TXNDC12: variants seen among roughly 807,000 people sequenced by gnomAD.
TXNDC12 encodes the protein thioredoxin domain containing 12.
Under a neutral mutation model 24.2 loss-of-function variants are expected in TXNDC12, and 22 were observed. The ratio of observed to expected loss-of-function variants is 0.91; its 90% CI spans 0.65 to 1.30. TXNDC12 has a LOEUF of 1.30. Ranked by LOEUF, TXNDC12 falls within the 50% of genes most tolerant of loss-of-function variation. The pLI is 0.00. For synonymous variants in TXNDC12, 58 were observed against 73.4 expected (o/e 0.79, Z 1.07); for missense variants, 184 against 205.8 (o/e 0.89, Z 0.65).
chr1:52,045,639 G>T (rs916689113), intron 1 of TXNDC12, among the ~76,000 whole-genome samples: 1 of 152,046 alleles, frequency 6.6e-6, no homozygotes, highest in Non-Finnish European at 1.5e-5. Context: ...CCTAGCAAAC[G>T]AATACATATG....
chr1:52,040,640 T>C (rs1685967265), intron 2 of TXNDC12, among the ~76,000 whole-genome samples: 1 of 152,260 alleles, frequency 6.6e-6, no homozygotes, highest in South Asian at 2.1e-4. Flanking sequence ...GCTGTTCATC[T>C]GCAAGTTTTT....
At chr1:52,022,304 G>A (rs922565082) in intron 6 of TXNDC12, among the ~76,000 whole-genome samples, 1 of 152,102 alleles carries the variant, frequency 6.6e-6, no homozygotes, top group African/African-American at 2.4e-5. Context: ...ACAATACATG[G>A]CATGAATTCC....
chr1:52,028,450 T>C (rs2124362982), intron 3 of TXNDC12, 128 bp downstream of exon 3: 1 of 702,446 alleles, frequency 1.4e-6, no homozygotes, highest in East Asian at 2.8e-5. Context: ...GAAATCTATG[T>C]CATATGTTTC....
chr1:52,049,436 A>G (rs1206563987), intron 1 of TXNDC12, among the ~76,000 whole-genome samples: 1 of 152,126 alleles, frequency 6.6e-6, no homozygotes, highest in Non-Finnish European at 1.5e-5. Flanking sequence ...CTCTACAAAA[A>G]TTAGCCAGGC....
chr1:52,024,702 C>T (rs904703912), intron 4 of TXNDC12, 123 bp from the exon 5 acceptor site: 3 of 687,626 alleles, frequency 4.4e-6, no homozygotes, highest in South Asian at 3.4e-5. Flanking sequence ...TAAGGCCCTA[C>T]ATGATCTATC....
At chr1:52,042,042 G>C (rs867385289) in intron 1 of TXNDC12, among the ~76,000 whole-genome samples, 1 of 152,180 alleles carries the variant, frequency 6.6e-6, no homozygotes, top group Non-Finnish European at 1.5e-5. Flanking sequence ...TCTTGTGAGT[G>C]AAGTAAGCTC....
chr1:52,032,062 C>A, intron 2 of TXNDC12: 1 of 860,598 alleles, frequency 1.2e-6, no homozygotes, highest in Non-Finnish European at 1.4e-6. Flanking sequence ...TAAAATGTTA[C>A]ATGAAGTTAC....
rs750525639 is a variant in TXNDC12 at position 52,054,969 on chromosome 1, C to T, written c.97+31G>A. On this transcript the variant is annotated intron_variant, in intron 1 of 6. Transcript: ENST00000371626. ...ATACTGGGATCAGTATAGTAAAGAT[C>T]AGTAAAGAGAAGATAAGAACGCGGT... is the stretch of plus-strand genomic sequence containing the variant. The T allele has an allele frequency of 4.7e-6, 7 of 1,494,962 alleles. No homozygotes were observed. In the Admixed American group the frequency reaches 1.0e-4, roughly 21 times the overall value. The allele number at this position is 1,494,962 out of a possible 1,614,324, so 92.6% of individuals were successfully genotyped here.
Position 52,020,408 on chromosome 1 carries a change from T to C in TXNDC12, c.*525A>G. 1 of 277,854 alleles carries C rather than the reference T, an allele frequency of 3.6e-6. No homozygotes were observed. The highest frequency in any genetic ancestry group is 7.1e-6 in the Non-Finnish European group (1 of 140,988). 17.2% of individuals were successfully genotyped at this position (277,854 alleles called of 1,614,324 possible). A position where few individuals can be genotyped will look rare whatever the true frequency, so the allele number is the denominator to read the frequency against. ...AATTTGGGAAGAAGCCCACAATTAT[T>C]CCCAGGAGAAAAAAGGGAAAAAACA... On this transcript the variant is annotated 3_prime_UTR_variant, in exon 7 of 7. Coordinates refer to ENST00000371626, the MANE Select transcript of TXNDC12 (RefSeq NM_015913.4).
At chr1:52,037,179 ATATT>A (rs1276423264) in intron 2 of TXNDC12, among the ~76,000 whole-genome samples, 1 of 149,440 alleles carries the variant, frequency 6.7e-6, no homozygotes, top group African/African-American at 2.5e-5. Flanking sequence ...GCTGATTTAA[ATATT>A]GTGTTTGGAG....
intron 1 of TXNDC12, among the ~76,000 whole-genome samples, chr1:52,041,879 T>A (rs529368403): frequency 2.6e-5 from 4 of 152,370 alleles, no homozygotes; most frequent in Admixed American, 6.5e-5. Context: ...CGGAATATGC[T>A]AATAATACTG....
intron 4 of TXNDC12, 161 bp from the exon 5 acceptor site, chr1:52,024,740 C>T: frequency 1.7e-6 from 1 of 596,522 alleles, no homozygotes; most frequent in South Asian, 2.1e-5. Context: ...ACTTAATGTC[C>T]TACCCCTTGT....
At chr1:52,028,131 A>G (rs917119110) in intron 3 of TXNDC12, among the ~76,000 whole-genome samples, 33 of 151,754 alleles carry the variant, frequency 2.2e-4, no homozygotes, top group Admixed American at 1.5e-3. Flanking sequence ...GGTCTTTTAT[A>G]CTATTTTTTA....
intron 1 of TXNDC12, among the ~76,000 whole-genome samples, chr1:52,047,275 G>A (rs1006083557): frequency 6.6e-6 from 1 of 152,018 alleles, no homozygotes; most frequent in Admixed American, 6.6e-5. Flanking sequence ...GAACACTAGT[G>A]GGTAAATGCA....
At chr1:52,055,531 G>A, upstream of TXNDC12, 1 of 192,492 alleles carries the variant, frequency 5.2e-6, no homozygotes, top group Admixed American at 5.6e-5. Context: ...GAGGTCAGTC[G>A]CTCCCAACAG....
chr1:52,032,447 C>A, intron 2 of TXNDC12: 1 of 1,248,836 alleles, frequency 8.0e-7, no homozygotes, highest in East Asian at 3.3e-5. Flanking sequence ...AATCCCTGTC[C>A]ACCTTAGCTC....
Position 52,046,744 on chromosome 1 carries a change from G to A in TXNDC12, c.98-5147C>T, listed in dbSNP as rs186794946. ...TAAAAATACAAAAATTAGGCCAGGC[G>A]CGGTGGCTCACGCCTGTAATCCCAG... On this transcript the variant is annotated intron_variant, in intron 1 of 6. Transcript: ENST00000371626. 1.1e-3 allele frequency among the ~76,000 whole-genome samples: 159 copies of A among 151,132 alleles called. 4 individuals are homozygous for A. In the East Asian group the frequency reaches 0.028, roughly 26 times the overall value.
Position 52,041,599 on chromosome 1 carries a change from T to C in TXNDC12, c.98-2A>G. The stretch of plus-strand genomic sequence containing the variant: ...TCCAATGAATATGATCTCCAAAACC[T>C]GGAAGGAAAGAACTTTATAAGCATT... On this transcript the variant is annotated splice_acceptor_variant, in intron 1 of 6. Coordinates refer to ENST00000371626, the MANE Select transcript of TXNDC12 (RefSeq NM_015913.4). LOFTEE classifies it high-confidence loss of function. 1 of 1,606,352 alleles carries C rather than the reference T, an allele frequency of 6.2e-7. No homozygotes were observed. The highest frequency in any genetic ancestry group is 8.5e-7 in the Non-Finnish European group (1 of 1,175,182).
chr1:52,047,759 C>CAA (rs11398900), intron 1 of TXNDC12, among the ~76,000 whole-genome samples: 21 of 151,152 alleles, frequency 1.4e-4, no homozygotes, highest in Middle Eastern at 3.4e-3. Context: ...AACTAAGTTT[C>CAA]AAAAAAAAAT....
Sources: gnomAD v4.1 joint callset for allele counts (sites outside exome capture counted in the v4.1 genomes callset) on GRCh38, gnomAD v4.1.1 for gene constraint, MANE v1.5 for transcripts, NCBI Gene and HGNC (gene_info 2026-07-23, HGNC 2026-07-21) for gene names.